The following CATSPERD variants were observed in gnomAD, a reference collection of about 807,000 sequenced individuals.
CATSPERD encodes the protein cation channel sperm-associated auxiliary subunit delta.
CATSPERD carries 86 observed loss-of-function variants against 98.1 expected under a neutral mutation model. That is an observed-to-expected ratio of 0.88 (90% confidence interval 0.74 to 1.05). The LOEUF is 1.05. Ranked by LOEUF, CATSPERD falls within the 50% of genes least tolerant of loss-of-function variation. The pLI is 0.00. For missense variants in CATSPERD, 995 were observed against 1,005.7 expected, an observed-to-expected ratio of 0.99 and a Z score of 0.14; for synonymous variants, 394 against 390.2, an observed-to-expected ratio of 1.01 and a Z score of -0.12.
At chr19:5,733,085 C>G (rs2055760274) in intron 4 of CATSPERD, among the ~76,000 whole-genome samples, 2 of 151,952 alleles carry the variant, frequency 1.3e-5, no homozygotes, top group Non-Finnish European at 2.9e-5. Context: ...CCTCCACCTC[C>G]TGGGTTCAAG....
At chr19:5,762,058 A>ATATATATATATTTTTTTTTTTTTTT in intron 15 of CATSPERD, among the ~76,000 whole-genome samples, 1 of 10,434 alleles carries the variant, frequency 9.6e-5, no homozygotes, top group Non-Finnish European at 1.8e-4. Flanking sequence ...ATATATATAT[A>ATATATATATATTTTTTTTTTTTTTT]TTTTTTTTTT....
intron 7 of CATSPERD, among the ~76,000 whole-genome samples, chr19:5,742,170 G>A (rs1239975212): frequency 1.9e-5 from 2 of 107,706 alleles, no homozygotes; most frequent in Non-Finnish European, 4.4e-5. Flanking sequence ...GTGTGTGCGT[G>A]TGTGTATGTA....
Position 5,754,497 on chromosome 19 carries a change from C to T in CATSPERD, c.1278+252C>T, listed in dbSNP as rs547806287. ...CACTGCAGCCTCCACCTCCTGGGCT[C>T]AAGCAATTCTCCTGCCTCAGCCTCC... On this transcript the variant is annotated intron_variant, in intron 13 of 21. Coordinates refer to ENST00000381624, the MANE Select transcript of CATSPERD (RefSeq NM_152784.4). Among the ~76,000 whole-genome samples the T allele has an allele frequency of 2.7e-5, 4 of 149,392 alleles. No homozygotes were observed. The East Asian group carries it at 8.0e-4, about 30-fold the overall frequency.
Position 5,769,314 on chromosome 19 carries a change from A to AAT in CATSPERD, c.1634+1072_1634+1073insAT, listed in dbSNP as rs35594514. ...GAGACAAAAAAAAAAAAAAAAAAAA[A>AAT]GAGGGTGGTGGGATGGGGGGAGGAG... is the stretch of plus-strand genomic sequence containing the variant. On this transcript the variant is annotated intron_variant, in intron 18 of 21. Transcript: ENST00000381624. Among the ~76,000 whole-genome samples the AAT allele has an allele frequency of 3.9e-4, 52 of 132,896 alleles. 2 individuals are homozygous for AAT. Among genetic ancestry groups the AAT allele is most frequent in the African/African-American group, 8.7e-4 (29 of 33,502 alleles). 87.2% of individuals were successfully genotyped at this position (132,896 alleles called of 152,430 possible). A position where few individuals can be genotyped will look rare whatever the true frequency, so the allele number is the denominator to read the frequency against.
intron 16 of CATSPERD, among the ~76,000 whole-genome samples, chr19:5,764,431 T>C (rs975722214): frequency 4.6e-5 from 7 of 151,818 alleles, no homozygotes; most frequent in African/African-American, 1.7e-4. Context: ...TTCTTCTGCC[T>C]CAGCCTCCCG....
At chr19:5,733,719 G>A (rs971303798) in intron 4 of CATSPERD, 137 bp from the exon 5 acceptor site, 17 of 624,390 alleles carry the variant, frequency 2.7e-5, no homozygotes, top group Non-Finnish European at 4.7e-5. Context: ...GCCTCCCAAA[G>A]TGCTGGGATT....
At chr19:5,722,488 ATACC>A (rs1186009027) in intron 1 of CATSPERD, among the ~76,000 whole-genome samples, 1 of 152,190 alleles carries the variant, frequency 6.6e-6, no homozygotes, top group African/African-American at 2.4e-5. Flanking sequence ...CTAACAACAC[ATACC>A]TAGTAAGTGG....
rs566480696 is a variant in CATSPERD, at chr19:5,730,462, G to A, written c.276+518G>A. Among the ~76,000 whole-genome samples, 10 of 152,022 alleles carry A rather than the reference G, an allele frequency of 6.6e-5. No individual in the cohort carries two copies. The East Asian group carries it at 9.7e-4, about 15-fold the overall frequency. ...GGAGGCTGAGGCAGGAGAATCACTCGAACCCAGGAGGTGGAGGTTGTAGTG... is the reference window on the plus strand; with the variant it reads ...GGAGGCTGAGGCAGGAGAATCACTCAAACCCAGGAGGTGGAGGTTGTAGTG... On this transcript the variant is annotated intron_variant, in intron 4 of 21. Transcript: ENST00000381624.
chr19:5,727,383 A>AT, intron 3 of CATSPERD, 39 bp downstream of exon 3: 1 of 1,381,328 alleles, frequency 7.2e-7, no homozygotes. Context: ...TTCCTTTTAA[A>AT]TTAAATCTTT....
At chr19:5,775,960 G>A (rs2056734367) in intron 20 of CATSPERD, among the ~76,000 whole-genome samples, 1 of 152,142 alleles carries the variant, frequency 6.6e-6, no homozygotes, top group Non-Finnish European at 1.5e-5. Flanking sequence ...AGGCAGGTGA[G>A]ATGGAGGCTG....
intron 3 of CATSPERD, among the ~76,000 whole-genome samples, chr19:5,727,790 G>C (rs1345742341): frequency 6.6e-6 from 1 of 152,082 alleles, no homozygotes; most frequent in African/African-American, 2.4e-5. Context: ...TAGGAAACCA[G>C]GTATGTCCAC....
intron 1 of CATSPERD, among the ~76,000 whole-genome samples, chr19:5,724,115 G>A (rs1317431215): frequency 1.3e-5 from 2 of 151,096 alleles, no homozygotes; most frequent in African/African-American, 2.4e-5. Context: ...TAGTAGAGAC[G>A]AGATTTCACG....
At chr19:5,720,844 C>T in intron 1 of CATSPERD, 36 bp downstream of exon 1, 2 of 1,568,100 alleles carry the variant, frequency 1.3e-6, no homozygotes, top group Non-Finnish European at 1.7e-6. Context: ...TGGGGTGCTG[C>T]CGGGGGTCGG....
At chr19:5,767,084 G>A (rs1051271422) in intron 17 of CATSPERD, among the ~76,000 whole-genome samples, 5 of 151,254 alleles carry the variant, frequency 3.3e-5, no homozygotes, top group African/African-American at 7.2e-5. Flanking sequence ...TTGGGAGGCC[G>A]AGGCGGGTGG....
At chr19:5,720,912 C>G in intron 1 of CATSPERD, 104 bp downstream of exon 1, 1 of 884,838 alleles carries the variant, frequency 1.1e-6, no homozygotes, top group South Asian at 1.7e-5. Flanking sequence ...TGAGGCTCCC[C>G]TTTTACTCTT....
chr19:5,753,503 A>C (rs976773423), intron 12 of CATSPERD: 9 of 262,544 alleles, frequency 3.4e-5, no homozygotes, highest in African/African-American at 2.1e-4. Flanking sequence ...CAGAGCTTGC[A>C]GTGAGCCGAG....
chr19:5,763,057 AATGG>A (rs2056473148), intron 15 of CATSPERD, among the ~76,000 whole-genome samples, 154 bp from the exon 16 acceptor site: 2 of 125,752 alleles, frequency 1.6e-5, no homozygotes, highest in South Asian at 2.7e-4. Context: ...TGGATGGATG[AATGG>A]ATGGATGGGT....
At chr19:5,756,049 G>A (rs2056318437) in intron 13 of CATSPERD, among the ~76,000 whole-genome samples, 2 of 152,046 alleles carry the variant, frequency 1.3e-5, no homozygotes, top group Non-Finnish European at 1.5e-5. Context: ...GGGAGGCCAA[G>A]GCGGGCAGAT....
rs183558486 is a variant in CATSPERD at position 5,776,772 on chromosome 19, G to A, written c.2096+457G>A. Among the ~76,000 whole-genome samples, 485 of 152,122 alleles carry A rather than the reference G, an allele frequency of 3.2e-3. 6 individuals carry two copies. Among genetic ancestry groups the A allele is most frequent in the Middle Eastern group, 3.4e-3 (1 of 294 alleles). On this transcript the variant is annotated intron_variant, in intron 21 of 21. Transcript: ENST00000381624. The stretch of plus-strand genomic sequence containing the variant: ...GCCTTTAATCTCAGCTACTCGGGAG[G>A]CTGAGGCAGGAGAATCGCTTGAACC...
Sources: gnomAD v4.1 joint callset for allele counts (sites outside exome capture counted in the v4.1 genomes callset) on GRCh38, gnomAD v4.1.1 for gene constraint, MANE v1.5 for transcripts, NCBI Gene and HGNC (gene_info 2026-07-23, HGNC 2026-07-21) for gene names.